Variants in FLT1 observed in about 807,000 individuals in gnomAD.
FLT1 encodes vascular endothelial growth factor receptor 1.
FLT1 carries 49 observed loss-of-function variants against 156.3 expected under a neutral mutation model. The ratio of observed to expected loss-of-function variants is 0.31; its 90% CI spans 0.25 to 0.40. The LOEUF is 0.40. FLT1 is among the 10% of genes least tolerant of loss of function. The pLI is 1.00. For synonymous variants in FLT1, 594 were observed against 583.8 expected, an observed-to-expected ratio of 1.02 and a Z score of -0.25; for missense variants, 1,322 against 1,637.2, an observed-to-expected ratio of 0.81 and a Z score of 3.32.
chr13:28,408,287 C>G (rs1875931416), intron 10 of FLT1, among the ~76,000 whole-genome samples: 1 of 152,182 alleles, frequency 6.6e-6, no homozygotes, highest in Admixed American at 6.5e-5. Flanking sequence ...TGACCTCTGA[C>G]ACCCCACACC....
intron 29 of FLT1, among the ~76,000 whole-genome samples, chr13:28,304,366 G>A (rs961138461): frequency 6.6e-6 from 1 of 152,152 alleles, no homozygotes; most frequent in African/African-American, 2.4e-5. Flanking sequence ...ACACGCAGAT[G>A]TTTGCCTGGA....
At chr13:28,409,918 A>G (rs919830100) in intron 10 of FLT1, among the ~76,000 whole-genome samples, 4 of 151,788 alleles carry the variant, frequency 2.6e-5, no homozygotes, top group Non-Finnish European at 5.9e-5. Flanking sequence ...AAAATTTGCT[A>G]AACATCTCTC....
Position 28,327,593 on chromosome 13 carries a change from C to G in FLT1, c.2708-43G>C, listed in dbSNP as rs761880556. On this transcript the variant is annotated intron_variant, in intron 19 of 29. Coordinates refer to ENST00000282397, the MANE Select transcript of FLT1 (RefSeq NM_002019.4). ...CATGCTCATGCTCAGCCACACCAAGCCAGTCAGCCATTTGCCAGCCTTCAG... is the reference window on the plus strand; with the variant it reads ...CATGCTCATGCTCAGCCACACCAAGGCAGTCAGCCATTTGCCAGCCTTCAG... 16 of 1,364,454 alleles carry G rather than the reference C, an allele frequency of 1.2e-5. No individual in the cohort carries two copies. In the East Asian group the frequency reaches 3.4e-4, roughly 29 times the overall value. 84.5% of individuals were successfully genotyped at this position (1,364,454 alleles called of 1,614,324 possible).
chr13:28,396,800 A>T lies in FLT1; in HGVS notation c.1660+160T>A, dbSNP rs562232201. 304 of 702,938 alleles carry T rather than the reference A, an allele frequency of 4.3e-4. 1 individual carries two copies. The highest frequency in any genetic ancestry group is 2.7e-3 in the African/African-American group (152 of 57,256). The allele number at this position is 702,938 out of a possible 1,614,324, so 43.5% of individuals were successfully genotyped here. The stretch of plus-strand genomic sequence containing the variant: ...AACTCCTTACGAGATCCGATGAGGT[A>T]GAATTCTATTCCTGAGAGCAAGGAT... On this transcript the variant is annotated intron_variant, in intron 12 of 29. Transcript: ENST00000282397.
chr13:28,346,816 G>A (rs979714114), intron 15 of FLT1, among the ~76,000 whole-genome samples: 1 of 152,162 alleles, frequency 6.6e-6, no homozygotes, highest in Admixed American at 6.5e-5. Flanking sequence ...ATGTGGATGA[G>A]GATCTAATTT....
chr13:28,370,326 G>T (rs1353823459), intron 14 of FLT1, among the ~76,000 whole-genome samples: 1 of 152,142 alleles, frequency 6.6e-6, no homozygotes, highest in African/African-American at 2.4e-5. Flanking sequence ...TATGATGGGG[G>T]GAGAGGGGAA....
chr13:28,412,330 T>TCTTTCTTTCTTTCTC (rs1555236469), intron 10 of FLT1, among the ~76,000 whole-genome samples: 20 of 92,602 alleles, frequency 2.2e-4, no homozygotes, highest in Non-Finnish European at 3.6e-4. Context: ...TCTTTCTTTC[T>TCTTTCTTTCTTTCTC]TTTCTTTCTT....
chr13:28,381,188 A>G (rs1035354338), intron 14 of FLT1, among the ~76,000 whole-genome samples: 1 of 152,200 alleles, frequency 6.6e-6, no homozygotes, highest in Non-Finnish European at 1.5e-5. Context: ...ACTTCTTTCA[A>G]AGAATCACTC....
At chr13:28,401,273 T>C (rs1875417039) in intron 11 of FLT1, among the ~76,000 whole-genome samples, 1 of 152,246 alleles carries the variant, frequency 6.6e-6, no homozygotes, top group Admixed American at 6.5e-5. Flanking sequence ...CTACTCTTCA[T>C]TTTTACTGCT....
At position 28,434,805 on chromosome 13, in the gene FLT1, C is replaced by T. The variant is rs544244576; in HGVS notation, c.514-585G>A. On this transcript the variant is annotated intron_variant, in intron 4 of 29. Coordinates refer to ENST00000282397, the MANE Select transcript of FLT1 (RefSeq NM_002019.4). Reference sequence around the variant, plus strand: ...GGCTGAGGCAGGAGAATCGCTTGAACCCGGGAGGCAGAGGTTGCAGTGAGC... The same window carrying T: ...GGCTGAGGCAGGAGAATCGCTTGAATCCGGGAGGCAGAGGTTGCAGTGAGC... Among the ~76,000 whole-genome samples, 171 of 152,310 alleles carry T rather than the reference C, an allele frequency of 1.1e-3. 1 individual carries two copies. The highest frequency in any genetic ancestry group is 1.3e-4 in the Non-Finnish European group (9 of 68,024).
chr13:28,311,833 G>C, intron 26 of FLT1, 101 bp from the exon 27 acceptor site: 2 of 1,375,312 alleles, frequency 1.5e-6, no homozygotes, highest in Non-Finnish European at 2.1e-6. Context: ...CACAATCTTG[G>C]TTGTGTTTTG....
At chr13:28,373,158 C>T (rs1873697456) in intron 14 of FLT1, among the ~76,000 whole-genome samples, 2 of 152,172 alleles carry the variant, frequency 1.3e-5, no homozygotes, top group South Asian at 4.1e-4. Flanking sequence ...AGTCAGAAGA[C>T]TGTCCCACCG....
intron 1 of FLT1, among the ~76,000 whole-genome samples, chr13:28,491,243 A>G (rs768123508): frequency 6.6e-5 from 10 of 152,234 alleles, no homozygotes; most frequent in Non-Finnish European, 1.3e-4. Flanking sequence ...TTTTGGAAAG[A>G]ACAAAGTAAT....
At chr13:28,412,127 C>T (rs1876235297) in intron 10 of FLT1, among the ~76,000 whole-genome samples, 1 of 152,276 alleles carries the variant, frequency 6.6e-6, no homozygotes, top group South Asian at 2.1e-4. Flanking sequence ...TGGAACCCTG[C>T]CAGAGGGCAC....
intron 10 of FLT1, among the ~76,000 whole-genome samples, chr13:28,412,385 T>TTTCCTTCCTTCC (rs1555236550): frequency 2.4e-5 from 2 of 85,028 alleles, no homozygotes; most frequent in South Asian, 4.4e-4. Flanking sequence ...TCTTTCTTTC[T>TTTCCTTCCTTCC]TTCTTTCTTT....
chr13:28,325,589 C>T (rs1442829418), intron 20 of FLT1, among the ~76,000 whole-genome samples: 1 of 152,102 alleles, frequency 6.6e-6, no homozygotes, highest in Non-Finnish European at 1.5e-5. Flanking sequence ...CCGAGGCAGG[C>T]GGATCACCTG....
chr13:28,386,435 C>T, intron 13 of FLT1: 1 of 1,041,254 alleles, frequency 9.6e-7, no homozygotes, highest in Non-Finnish European at 1.2e-6. Context: ...CATTAGTCTT[C>T]TCATTTTATA....
At chr13:28,408,683 C>T (rs887227065) in intron 10 of FLT1, among the ~76,000 whole-genome samples, 2 of 152,166 alleles carry the variant, frequency 1.3e-5, no homozygotes, top group African/African-American at 4.8e-5. Context: ...CTCCTGATTT[C>T]GCACAGGAAG....
At chr13:28,413,459 G>A (rs1381480022) in intron 10 of FLT1, among the ~76,000 whole-genome samples, 3 of 143,746 alleles carry the variant, frequency 2.1e-5, no homozygotes, top group Non-Finnish European at 4.5e-5. Flanking sequence ...TCGTGGCCCC[G>A]CACTGGGGTA....
Sources: gnomAD v4.1 joint callset for allele counts (sites outside exome capture counted in the v4.1 genomes callset) on GRCh38, gnomAD v4.1.1 for gene constraint, MANE v1.5 for transcripts, NCBI Gene and HGNC (gene_info 2026-07-23, HGNC 2026-07-21) for gene names.